Variants in C4orf51 observed in about 807,000 individuals in gnomAD.
The protein encoded by C4orf51 is chromosome 4 open reading frame 51.
In C4orf51, 25 loss-of-function variants were observed where a neutral mutation model predicts 25.2. That is an observed-to-expected ratio of 0.99 (90% CI 0.72 to 1.39). The LOEUF (loss-of-function observed/expected upper bound fraction) is 1.39. Among genes scored for constraint, C4orf51 ranks in the 40% most tolerant of loss-of-function variants. The pLI is 0.00. For missense variants in C4orf51, 252 were observed against 239.6 expected, an observed-to-expected ratio of 1.05 and a Z score of -0.34; for synonymous variants, 100 against 84.5, an observed-to-expected ratio of 1.18 and a Z score of -1.01.
chr4:145,744,973 A>T (rs533434792), intron 1 of C4orf51, among the ~76,000 whole-genome samples: 1 of 152,286 alleles, frequency 6.6e-6, no homozygotes, highest in Admixed American at 6.5e-5. Context: ...ATTCATTCTG[A>T]TTAATAAGAT....
In C4orf51 at chr4:145,761,133, G is replaced by A; in HGVS notation, n.167-9855G>A. 3.1e-6 allele frequency: 4 copies of A among 1,289,692 alleles called. No homozygotes were observed. Among genetic ancestry groups the A allele is most frequent in the South Asian group, 1.2e-5 (1 of 81,022 alleles). The allele number at this position is 1,289,692 out of a possible 1,614,324, so 79.9% of individuals were successfully genotyped here. On this transcript the variant is annotated intron_variant and non_coding_transcript_variant, in intron 1 of 1. Coordinates refer to the C4orf51 transcript ENST00000510096. The surrounding 1 kb of genome is among the most constrained non-coding windows in gnomAD (Gnocchi z 6.8). ...CGACCACCAGGAGCGGGGCCCCCGG[G>A]CCGGCCGGTTCCTTGGGGGCTGGAC...
At chr4:145,716,559 A>G (rs1184313451) in intron 2 of C4orf51, among the ~76,000 whole-genome samples, 1 of 152,234 alleles carries the variant, frequency 6.6e-6, no homozygotes, top group African/African-American at 2.4e-5. Flanking sequence ...TCCGTCTCTC[A>G]GGGTTGAATC....
At chr4:145,720,739 C>T (rs1459601880) in intron 2 of C4orf51, among the ~76,000 whole-genome samples, 1 of 152,192 alleles carries the variant, frequency 6.6e-6, no homozygotes, top group Admixed American at 6.5e-5. Context: ...TAGGGTCACC[C>T]TTATTTGGCT....
At chr4:145,693,879 CG>C (rs1729809380) in intron 1 of C4orf51, among the ~76,000 whole-genome samples, 1 of 130,532 alleles carries the variant, frequency 7.7e-6, no homozygotes, top group Non-Finnish European at 1.6e-5. Context: ...GGGTGGCTGC[CG>C]GGCGGAGACG....
chr4:145,753,180 A>G (rs958739936), intron 1 of C4orf51, among the ~76,000 whole-genome samples: 2 of 124,978 alleles, frequency 1.6e-5, no homozygotes, highest in Admixed American at 7.7e-5. Flanking sequence ...GTGTGTGTGT[A>G]GTTGTTAAAT....
chr4:145,746,625 G>A (rs1427536509), intron 1 of C4orf51, among the ~76,000 whole-genome samples: 2 of 152,038 alleles, frequency 1.3e-5, no homozygotes, highest in South Asian at 4.1e-4. Context: ...GCCATGTAGT[G>A]TAATTTGAAG....
At chr4:145,767,689 G>C (rs1469347102) in intron 1 of C4orf51, among the ~76,000 whole-genome samples, 3 of 152,214 alleles carry the variant, frequency 2.0e-5, no homozygotes, top group Non-Finnish European at 2.9e-5. Context: ...CACTATGCAA[G>C]TAAGAAGACT....
chr4:145,718,828 G>A (rs921435696), intron 2 of C4orf51, among the ~76,000 whole-genome samples: 2 of 152,082 alleles, frequency 1.3e-5, no homozygotes, highest in Non-Finnish European at 2.9e-5. Flanking sequence ...CCCACCTCAG[G>A]ACCTTTACAC....
chr4:145,768,880 A>C, intron 1 of C4orf51, among the ~76,000 whole-genome samples: 1 of 21,476 alleles, frequency 4.7e-5, no homozygotes. Flanking sequence ...AAAAAAAAAA[A>C]AAAAAAAAAA....
the C4orf51 span, among the ~76,000 whole-genome samples, chr4:145,791,156 A>C: frequency 2.6e-5 from 4 of 152,202 alleles, no homozygotes; most frequent in Admixed American, 6.5e-5. Context: ...TTTTTCTCAC[A>C]GTTCTGGAGG....
downstream of C4orf51, among the ~76,000 whole-genome samples, chr4:145,734,458 T>C (rs1156896970): frequency 6.6e-6 from 1 of 152,132 alleles, no homozygotes. Context: ...CTTTATCATA[T>C]ACAGCAAGGA....
chr4:145,687,716 C>A (rs972342156), intron 1 of C4orf51, among the ~76,000 whole-genome samples: 8 of 152,164 alleles, frequency 5.3e-5, no homozygotes, highest in Non-Finnish European at 1.2e-4. Flanking sequence ...AGTGAAAAAG[C>A]AGCAGCATGT....
At chr4:145,725,094 G>A (rs1384227171) in intron 2 of C4orf51, among the ~76,000 whole-genome samples, 1 of 151,754 alleles carries the variant, frequency 6.6e-6, no homozygotes, top group South Asian at 2.1e-4. Flanking sequence ...ACACTGCTTG[G>A]TTGATGGGTG....
At chr4:145,733,391 G>A (rs967044538), downstream of C4orf51, among the ~76,000 whole-genome samples, 66 of 152,310 alleles carry the variant, frequency 4.3e-4, no homozygotes, top group African/African-American at 1.5e-3. Flanking sequence ...GAGCGGCAGG[G>A]GCTGCACATG....
Position 145,727,040 on chromosome 4 carries a change from A to G in C4orf51, c.366+71A>G, listed in dbSNP as rs1490172810. ...AATTATTATACACTGCATATTATTC[A>G]TTAAAAAAACAAAAGGGGTTAAATT... is the stretch of plus-strand genomic sequence containing the variant. On this transcript the variant is annotated intron_variant, in intron 3 of 5. Coordinates refer to ENST00000438731, the MANE Select transcript of C4orf51 (RefSeq NM_001080531.3). 3 of 1,240,090 alleles carry G rather than the reference A, an allele frequency of 2.4e-6. No homozygotes were observed. The East Asian group carries it at 7.0e-5, about 29-fold the overall frequency. 76.8% of individuals were successfully genotyped at this position (1,240,090 alleles called of 1,614,324 possible). A position where few individuals can be genotyped will look rare whatever the true frequency, so the allele number is the denominator to read the frequency against.
intron 1 of C4orf51, among the ~76,000 whole-genome samples, chr4:145,751,226 G>A (rs543619014): frequency 6.6e-6 from 1 of 152,256 alleles, no homozygotes; most frequent in South Asian, 2.1e-4. Flanking sequence ...TCTAGGCATT[G>A]AAGAGTTAGG....
At chr4:145,779,352 A>G in the C4orf51 span, 1 of 1,611,082 alleles carries the variant, frequency 6.2e-7, no homozygotes, top group African/African-American at 1.3e-5. Flanking sequence ...GAGGGCTGAC[A>G]GCCCAGGCCC....
intron 1 of C4orf51, among the ~76,000 whole-genome samples, chr4:145,770,795 A>G (rs373603542): frequency 1.6e-4 from 25 of 152,314 alleles, no homozygotes; most frequent in East Asian, 1.3e-3. Context: ...CACTAATTGA[A>G]TATTTTCCCA....
In C4orf51 at chr4:145,761,274, G is replaced by A; in HGVS notation, n.167-9714G>A. On this transcript the variant is annotated intron_variant and non_coding_transcript_variant, in intron 1 of 1. Transcript: ENST00000510096. The surrounding 1 kb of genome is among the most constrained non-coding windows in gnomAD (Gnocchi z 6.8). ...GGCACTCTTCGCAGCTGAAGGTCTG[G>A]CGTGGGGCGTGCTTCAGCTTCTTGT... The A allele has an allele frequency of 3.1e-6, 4 of 1,289,922 alleles. No individual in the cohort carries two copies. The highest frequency in any genetic ancestry group is 3.0e-5 in the African/African-American group (2 of 66,002). 79.9% of individuals were successfully genotyped at this position (1,289,922 alleles called of 1,614,324 possible). A position where few individuals can be genotyped will look rare whatever the true frequency, so the allele number is the denominator to read the frequency against.
Sources: gnomAD v4.1 joint callset for allele counts (sites outside exome capture counted in the v4.1 genomes callset) on GRCh38, gnomAD v4.1.1 for gene constraint, Gnocchi (gnomAD v3.1) non-coding constraint, MANE v1.5 for transcripts, NCBI Gene and HGNC (gene_info 2026-07-23, HGNC 2026-07-21) for gene names.